EFTUD2: variants seen among roughly 807,000 people sequenced by gnomAD.
EFTUD2 encodes the protein elongation factor Tu GTP binding domain containing 2.
In EFTUD2, 9 loss-of-function variants were observed where a neutral mutation model predicts 114.3. The ratio of observed to expected loss-of-function variants is 0.08; its 90% CI spans 0.05 to 0.14. EFTUD2 has a LOEUF of 0.14. Ranked by LOEUF, EFTUD2 falls within the 10% of genes least tolerant of loss-of-function variation. The pLI is 1.00. For missense variants in EFTUD2, 765 were observed against 1,241.2 expected, an observed-to-expected ratio of 0.62 and a Z score of 5.76; for synonymous variants, 449 against 462.3, an observed-to-expected ratio of 0.97 and a Z score of 0.37.
rs746270157 is a variant in EFTUD2, at chr17:44,881,751, CTGAGT to C, written c.493-34_493-30del. Reference sequence around the variant, plus strand: ...AAAAAAAATTAACTGTTGTTACCACCTGAGTTGAGACTGCTCTCCCACAAACGAAC... The same window carrying C: ...AAAAAAAATTAACTGTTGTTACCACCTGAGACTGCTCTCCCACAAACGAAC... On this transcript the variant is annotated intron_variant, in intron 6 of 27. Coordinates refer to ENST00000426333, the MANE Select transcript of EFTUD2 (RefSeq NM_004247.4). 18 of 1,612,536 alleles carry C rather than the reference CTGAGT, an allele frequency of 1.1e-5. No homozygotes were observed. In the South Asian group the frequency reaches 1.9e-4, roughly 17 times the overall value.
chr17:44,894,954 T>C (rs770108253), intron 1 of EFTUD2, among the ~76,000 whole-genome samples: 3 of 152,242 alleles, frequency 2.0e-5, no homozygotes, highest in Non-Finnish European at 4.4e-5. Flanking sequence ...AATAACTTAC[T>C]TTTTCCTAAA....
chr17:44,881,223 T>C (rs540939995), intron 7 of EFTUD2, among the ~76,000 whole-genome samples: 1 of 151,974 alleles, frequency 6.6e-6, no homozygotes, highest in East Asian at 1.9e-4. Flanking sequence ...GGGTCAGAGA[T>C]TAGAGAGAAA....
chr17:44,889,586 C>T (rs1243411759), intron 2 of EFTUD2, among the ~76,000 whole-genome samples: 5 of 152,122 alleles, frequency 3.3e-5, no homozygotes, highest in Admixed American at 6.5e-5. Flanking sequence ...TTCGTAAGAA[C>T]GGAAGGGAAG....
In EFTUD2 at chr17:44,876,052, G is replaced by A. The variant is rs766799425; in HGVS notation, c.751C>T (p.Leu251=). ...TTGTTGATGCACACAGTGACTGCCAGCCTCTCCTGCACCGCATGCTTGATC... is the reference window on the plus strand; with the variant it reads ...TTGTTGATGCACACAGTGACTGCCAACCTCTCCTGCACCGCATGCTTGATC... The part of the protein sequence containing the change: ...RLIKHAVQER[L]AVTVCINKID... The change falls in exon 10 of 28, where the codon CTG becomes TTG. Residue 251 remains leucine, a synonymous_variant. Transcript: ENST00000426333. The A allele has an allele frequency of 1.2e-6, 2 of 1,614,018 alleles. No homozygotes were observed. The highest frequency in any genetic ancestry group is 1.7e-6 in the Non-Finnish European group (2 of 1,179,986).
intron 1 of EFTUD2, among the ~76,000 whole-genome samples, chr17:44,898,508 C>T (rs909695654): frequency 6.6e-6 from 1 of 152,236 alleles, no homozygotes; most frequent in African/African-American, 2.4e-5. Context: ...GCGTGAGCCA[C>T]CGCGCCCGGC....
rs2050871883 is a variant in EFTUD2, at chr17:44,872,427, A to G, written c.994+19T>C. 2 of 1,610,358 alleles carry G rather than the reference A, an allele frequency of 1.2e-6. No individual in the cohort carries two copies. Among genetic ancestry groups the G allele is most frequent in the Admixed American group, 3.3e-5 (2 of 59,860 alleles). On this transcript the variant is annotated intron_variant, in intron 11 of 27. Coordinates refer to ENST00000426333, the MANE Select transcript of EFTUD2 (RefSeq NM_004247.4). ...GACTCAGGGGAAGCTGGTGAGACAG[A>G]CTGCCAGCCAGCGCTTACCAAAGGT...
At chr17:44,867,020 T>C (rs1423881829) in intron 13 of EFTUD2, among the ~76,000 whole-genome samples, 6 of 152,162 alleles carry the variant, frequency 3.9e-5, no homozygotes, top group Admixed American at 1.3e-4. Context: ...GGTGGGAGGA[T>C]TGCTCAAACC....
intron 17 of EFTUD2, 161 bp from the exon 18 acceptor site, chr17:44,860,206 C>A: frequency 1.0e-6 from 1 of 990,352 alleles, no homozygotes; most frequent in South Asian, 1.6e-5. Context: ...CATTTCTTCC[C>A]AGGTATTCTG....
Position 44,863,823 on chromosome 17 carries a change from C to T in EFTUD2, c.1286-41G>A, listed in dbSNP as rs1318844890. On this transcript the variant is annotated intron_variant, in intron 14 of 27. Transcript: ENST00000426333. ...AGAAAGCCATTAATACATGCCTTCC[C>T]AGGGAGCACGAGCAGGAGTTACTGA... The T allele has an allele frequency of 1.9e-6, 3 of 1,608,034 alleles. No individual in the cohort carries two copies. In the South Asian group the frequency reaches 3.3e-5, roughly 18 times the overall value.
chr17:44,876,214 C>G (rs1455387513), intron 9 of EFTUD2, 114 bp from the exon 10 acceptor site: 1 of 1,262,012 alleles, frequency 7.9e-7, no homozygotes, highest in African/African-American at 1.5e-5. Flanking sequence ...AAAAAAAGAC[C>G]TCGGGAAATA....
intron 27 of EFTUD2, 102 bp downstream of exon 27, chr17:44,851,606 GAA>G (rs1381439390): frequency 8.2e-7 from 1 of 1,224,196 alleles, no homozygotes; most frequent in African/African-American, 1.5e-5. Context: ...CTCTACATTG[GAA>G]AAGTGTCCCT....
chr17:44,884,989 C>G (rs1241700739), intron 4 of EFTUD2, among the ~76,000 whole-genome samples: 1 of 152,182 alleles, frequency 6.6e-6, no homozygotes, highest in Non-Finnish European at 1.5e-5. Context: ...ACAGTGATAA[C>G]TGCAATACCC....
intron 2 of EFTUD2, among the ~76,000 whole-genome samples, chr17:44,889,021 G>A (rs1213443243): frequency 6.6e-6 from 1 of 152,186 alleles, no homozygotes; most frequent in African/African-American, 2.4e-5. Context: ...CGGGCCTGCT[G>A]ACATTTGGAG....
At chr17:44,858,901 G>C (rs1428585874) in intron 19 of EFTUD2, among the ~76,000 whole-genome samples, 179 bp downstream of exon 19, 2 of 152,050 alleles carry the variant, frequency 1.3e-5, no homozygotes, top group Non-Finnish European at 2.9e-5. Flanking sequence ...TTAAACGTAT[G>C]ACACAGCAGA....
In EFTUD2 at chr17:44,855,958, GA is replaced by G. The variant is rs530662136; in HGVS notation, c.2046-955del. Among the ~76,000 whole-genome samples, 1,066 of 128,036 alleles carry G rather than the reference GA, an allele frequency of 8.3e-3. 10 individuals are homozygous for G. Among genetic ancestry groups the G allele is most frequent in the Middle Eastern group, 0.02 (5 of 244 alleles). 84.0% of individuals were successfully genotyped at this position (128,036 alleles called of 152,430 possible). A position where few individuals can be genotyped will look rare whatever the true frequency, so the allele number is the denominator to read the frequency against. On this transcript the variant is annotated intron_variant, in intron 20 of 27. Transcript: ENST00000426333. Reference sequence around the variant, plus strand: ...CAGAGTGAGACTCTATGTCTCAAAAGAAAAAAAAAAAAAGAAAAACAAACCC... The same window carrying G: ...CAGAGTGAGACTCTATGTCTCAAAAGAAAAAAAAAAAAGAAAAACAAACCC...
intron 2 of EFTUD2, among the ~76,000 whole-genome samples, chr17:44,887,419 T>C (rs1462279234): frequency 2.0e-5 from 3 of 152,330 alleles, no homozygotes. Context: ...AACAACCAAA[T>C]GTCGATCAAC....
intron 3 of EFTUD2, among the ~76,000 whole-genome samples, chr17:44,885,545 G>A (rs1388086691): frequency 6.6e-6 from 1 of 152,034 alleles, no homozygotes; most frequent in African/African-American, 2.4e-5. Context: ...AGGAGTCTGG[G>A]CTTCATTTTG....
At chr17:44,852,625 C>T in intron 25 of EFTUD2, 63 bp from the exon 26 acceptor site, 1 of 1,577,146 alleles carries the variant, frequency 6.3e-7, no homozygotes, top group Non-Finnish European at 8.6e-7. Context: ...AAGAAGCAAT[C>T]CAGCATTTGC....
intron 19 of EFTUD2, 71 bp downstream of exon 19, chr17:44,859,009 G>A: frequency 9.9e-7 from 1 of 1,008,982 alleles, no homozygotes; most frequent in Non-Finnish European, 1.6e-6. Context: ...GAGCTTCCCA[G>A]GAATTCAAGG....
Sources: gnomAD v4.1 joint callset for allele counts (sites outside exome capture counted in the v4.1 genomes callset) on GRCh38, gnomAD v4.1.1 for gene constraint, MANE v1.5 for transcripts, NCBI Gene and HGNC (gene_info 2026-07-23, HGNC 2026-07-21) for gene names.